Variants in PPM1F observed in about 807,000 individuals in gnomAD.
PPM1F encodes the protein protein phosphatase 1F.
Under a neutral mutation model 35.5 loss-of-function variants are expected in PPM1F, and 17 were observed. The observed-to-expected ratio is 0.48, with a 90% confidence interval of 0.33 to 0.72. The LOEUF (loss-of-function observed/expected upper bound fraction) is 0.72, where lower values mean the gene tolerates loss of function less well. PPM1F is among the 30% of genes least tolerant of loss of function. The pLI, the probability that PPM1F is intolerant of heterozygous loss-of-function variation, is 0.02. For missense variants in PPM1F, 521 were observed against 613.0 expected (o/e 0.85, Z 1.59); for synonymous variants, 241 against 255.5 (o/e 0.94, Z 0.54).
chr22:21,939,386 C>T lies in PPM1F; in HGVS notation c.355+146G>A. On this transcript the variant is annotated intron_variant, in intron 3 of 7. Coordinates refer to ENST00000263212, the MANE Select transcript of PPM1F (RefSeq NM_014634.4). This position sits in a 1 kb window ranked among gnomAD's most constrained non-coding sequence, Gnocchi z 5.1. ...CCCTCCACCTCACTGGGGCCGCAAG[C>T]CTTCTCTGCTCCTTGATTCTGCTGC... The T allele has an allele frequency of 2.7e-6, 3 of 1,092,364 alleles. No homozygotes were observed. The highest frequency in any genetic ancestry group is 2.5e-5 in the East Asian group (1 of 39,662). The allele number at this position is 1,092,364 out of a possible 1,614,324, so 67.7% of individuals were successfully genotyped here. A position where few individuals can be genotyped will look rare whatever the true frequency, so the allele number is the denominator to read the frequency against.
chr22:21,938,318 A>G lies in PPM1F; in HGVS notation c.355+1214T>C. ...GCAGAGCGGAGGAGCAGCAGCTGCC[A>G]CCGGCCGGAAGCCTGCTGGCTCGGC... On this transcript the variant is annotated intron_variant, in intron 3 of 7. Transcript: ENST00000263212. The G allele has an allele frequency of 3.3e-6, 4 of 1,216,282 alleles. No individual in the cohort carries two copies. In the South Asian group the frequency reaches 5.7e-5, roughly 17 times the overall value. The allele number at this position is 1,216,282 out of a possible 1,614,324, so 75.3% of individuals were successfully genotyped here.
intron 7 of PPM1F, chr22:21,925,298 G>C (rs1308582739): frequency 2.3e-6 from 1 of 430,262 alleles, no homozygotes; most frequent in Non-Finnish European, 4.1e-6. Flanking sequence ...CCAGCCCATA[G>C]GGTGGTGAGC....
At chr22:21,946,160 T>C (rs746722103) in intron 1 of PPM1F, 52 bp from the exon 2 acceptor site, 34 of 862,270 alleles carry the variant, frequency 3.9e-5, no homozygotes, top group Non-Finnish European at 5.3e-5. Flanking sequence ...GCACCAGCAA[T>C]GCAGGTGCCC....
rs990093655 is a variant in PPM1F, at chr22:21,922,945, G to GA, written c.*146_*147insT. 2 of 1,074,746 alleles carry GA rather than the reference G, an allele frequency of 1.9e-6. No homozygotes were observed. The highest frequency in any genetic ancestry group is 2.7e-6 in the Non-Finnish European group (2 of 742,970). The allele number at this position is 1,074,746 out of a possible 1,614,324, so 66.6% of individuals were successfully genotyped here. ...CACAGCCACCAGGACGGGCTGCGGG[G>GA]GGTGTCCCGACTGGCTCTGGGGTGC... is the stretch of plus-strand genomic sequence containing the variant. On this transcript the variant is annotated 3_prime_UTR_variant, in exon 8 of 8. Coordinates refer to ENST00000263212, the MANE Select transcript of PPM1F (RefSeq NM_014634.4).
intron 3 of PPM1F, chr22:21,935,694 C>A (rs909077176): frequency 6.6e-6 from 1 of 152,132 alleles, no homozygotes; most frequent in South Asian, 2.1e-4. Flanking sequence ...CATAAAGAGA[C>A]CTTGTCTCTT....
At chr22:21,932,198 C>T (rs1219103849) in intron 5 of PPM1F, among the ~76,000 whole-genome samples, 5 of 152,196 alleles carry the variant, frequency 3.3e-5, no homozygotes, top group East Asian at 1.9e-4. Context: ...AGTGATCCGC[C>T]GGCCTCTGCC....
At chr22:21,946,328 G>A (rs2070777282) in intron 1 of PPM1F, 1 of 342,338 alleles carries the variant, frequency 2.9e-6, no homozygotes. Context: ...GCAGCAGCTG[G>A]GTGGACATTG....
At chr22:21,937,001 G>C (rs957897653) in intron 3 of PPM1F, 2 of 152,222 alleles carry the variant, frequency 1.3e-5, no homozygotes, top group African/African-American at 4.8e-5. Context: ...AGATCAACCA[G>C]TAACAGGCCC....
At position 21,931,336 on chromosome 22, in the gene PPM1F, G is replaced by T. The variant is rs761790968; in HGVS notation, c.748-45C>A. 32 of 1,580,328 alleles carry T rather than the reference G, an allele frequency of 2.0e-5. No homozygotes were observed. The Middle Eastern group carries it at 5.5e-4, about 27-fold the overall frequency. ...ATGAGAGTTGAGAGGAGGTAGGGAA[G>T]GGCAGAGGATGACACGGGGCAGGAT... On this transcript the variant is annotated intron_variant, in intron 5 of 7. Transcript: ENST00000263212.
chr22:21,923,274 C>A lies in PPM1F; in HGVS notation c.1183G>T (p.Ala395Ser), dbSNP rs146460819. 27 of 1,613,404 alleles carry A rather than the reference C, an allele frequency of 1.7e-5. No individual in the cohort carries two copies. The African/African-American group carries it at 3.2e-4, about 19-fold the overall frequency. ...SGLRVAEELVAAARERGSHDN... is the reference protein window; with the variant it reads ...SGLRVAEELVSAARERGSHDN... ...TGGGAGCCCCGCTCCCGGGCCGCAG[C>A]CACCAGCTCCTCGGCGACACGGAGC... The change falls in exon 8 of 8, where the codon GCT (alanine) becomes TCT (serine). Residue 395 changes from alanine to serine, a missense_variant. Around this residue, in one of 3 missense-constraint regions of PPM1F, gnomAD observed 163 missense variants for 169.6 expected, o/e 0.96. Coordinates refer to ENST00000263212, the MANE Select transcript of PPM1F (RefSeq NM_014634.4).
chr22:21,936,749 G>A (rs940248508), intron 3 of PPM1F: 4 of 152,292 alleles, frequency 2.6e-5, no homozygotes, highest in Non-Finnish European at 4.4e-5. Context: ...AACCACCGTG[G>A]AAGCAGGCCC....
chr22:21,947,761 G>C (rs2070791632), intron 1 of PPM1F: 1 of 152,248 alleles, frequency 6.6e-6, no homozygotes, highest in Non-Finnish European at 1.5e-5. Flanking sequence ...AGGATGAAGA[G>C]AGTGGGAAGT....
chr22:21,934,630 A>G (rs2070637005), intron 3 of PPM1F: 1 of 164,078 alleles, frequency 6.1e-6, no homozygotes, highest in African/African-American at 2.4e-5. Context: ...CACGCCTGTA[A>G]TCCCAGCACT....
chr22:21,925,491 G>T, intron 7 of PPM1F, 78 bp downstream of exon 7: 3 of 1,269,010 alleles, frequency 2.4e-6, no homozygotes, highest in Non-Finnish European at 3.4e-6. Context: ...CTGAACCCCT[G>T]GTGAGCCGCG....
In PPM1F at chr22:21,934,068, G is replaced by A. The variant is rs1201182279; in HGVS notation, c.514C>T (p.Arg172Trp). Residue 172 changes from arginine (R) to tryptophan (W), a missense_variant, in exon 4 of 8, where the codon CGG (arginine) becomes TGG (tryptophan). Transcript: ENST00000263212. ...IRNTRRKMED[R>W]HVSLPSFNQL... ...TTGAAGGAAGGGAGGGACACGTGCC[G>A]GTCCTCCATCTTGCGGCGAGTGTTC... 7.7e-6 allele frequency: 12 copies of A among 1,564,994 alleles called. No homozygotes were observed. The highest frequency in any genetic ancestry group is 2.3e-5 in the South Asian group (2 of 85,204).
chr22:21,928,380 T>G (rs746774507), intron 6 of PPM1F, among the ~76,000 whole-genome samples: 8 of 152,210 alleles, frequency 5.3e-5, no homozygotes, highest in Non-Finnish European at 1.2e-4. Context: ...CCTGTGACCT[T>G]GAGTGACTCT....
At position 21,920,921 on chromosome 22, in the gene PPM1F, C is replaced by T. The variant is rs1306204555; in HGVS notation, c.*2171G>A. 2.0e-5 allele frequency: 3 copies of T among 151,836 alleles called. No homozygotes were observed. Among genetic ancestry groups the T allele is most frequent in the African/African-American group, 7.2e-5 (3 of 41,414 alleles). The allele number at this position is 151,836 out of a possible 1,614,324, so 9.4% of individuals were successfully genotyped here. On this transcript the variant is annotated 3_prime_UTR_variant, in exon 8 of 8. Coordinates refer to ENST00000263212, the MANE Select transcript of PPM1F (RefSeq NM_014634.4). ...GGTGAGGGTGGAGCTGCGTCCCTGA[C>T]CCCCAGAAGGAGACAGCAGGCCTTC...
intron 1 of PPM1F, chr22:21,950,189 T>C (rs972248594): frequency 6.6e-6 from 1 of 152,230 alleles, no homozygotes; most frequent in African/African-American, 2.4e-5. Flanking sequence ...GGCTCTCTCA[T>C]GGCTCCTCCT....
rs60216371 is a variant in PPM1F, at chr22:21,927,942, GTTTTTTTTTTT to G, written c.892-2291_892-2281del. 1.5e-4 allele frequency among the ~76,000 whole-genome samples: 11 copies of G among 75,146 alleles called. No individual in the cohort carries two copies. The South Asian group carries it at 4.4e-3, about 30-fold the overall frequency. 49.3% of individuals were successfully genotyped at this position (75,146 alleles called of 152,430 possible). Reference sequence around the variant, plus strand: ...GATTCTTGATTCTGTTTTTTGTTTTGTTTTTTTTTTTTTTTTTTTTTTTTTTTTGGAGACAG... The same window carrying G: ...GATTCTTGATTCTGTTTTTTGTTTTGTTTTTTTTTTTTTTTTTGGAGACAG... On this transcript the variant is annotated intron_variant, in intron 6 of 7. Coordinates refer to ENST00000263212, the MANE Select transcript of PPM1F (RefSeq NM_014634.4).
Sources: allele counts gnomAD v4.1 joint callset (sites outside exome capture counted in the v4.1 genomes callset), GRCh38; gene constraint gnomAD v4.1.1; regional missense constraint gnomAD v4.1.1; non-coding constraint Gnocchi (gnomAD v3.1); transcripts MANE v1.5; gene names NCBI Gene and HGNC (gene_info 2026-07-23, HGNC 2026-07-21).